The following BCLAF1 variants were observed in gnomAD, a reference collection of about 807,000 sequenced individuals.
The protein encoded by BCLAF1 is bcl-2-associated transcription factor 1.
BCLAF1 carries 10 observed loss-of-function variants against 99.5 expected under a neutral mutation model. That is an observed-to-expected ratio of 0.10 (90% CI 0.06 to 0.17). The LOEUF is 0.17. Among genes scored for constraint, BCLAF1 ranks in the 10% least tolerant of loss-of-function variants. BCLAF1 has a pLI of 1.00. For synonymous variants in BCLAF1, 255 were observed against 370.9 expected (o/e 0.69, Z 3.59); for missense variants, 636 against 1,105.8 (o/e 0.58, Z 6.02).
chr6:136,263,194 TCA>T (rs967157922), intron 11 of BCLAF1, among the ~76,000 whole-genome samples: 49 of 152,130 alleles, frequency 3.2e-4, no homozygotes, highest in African/African-American at 1.2e-3. Flanking sequence ...TTGCCCAAGG[TCA>T]CAGAGCTAGC....
At chr6:136,287,676 T>C (rs1013143203) in intron 1 of BCLAF1, among the ~76,000 whole-genome samples, 1 of 152,212 alleles carries the variant, frequency 6.6e-6, no homozygotes, top group African/African-American at 2.4e-5. Flanking sequence ...TCTCCATTTC[T>C]AAGTCTTCTC....
intron 4 of BCLAF1, 114 bp from the exon 5 acceptor site, chr6:136,276,622 T>C: frequency 7.9e-7 from 1 of 1,260,682 alleles, no homozygotes; most frequent in East Asian, 2.5e-5. Context: ...AAAATAACCC[T>C]ATTGAAAAGT....
intron 1 of BCLAF1, among the ~76,000 whole-genome samples, chr6:136,283,332 T>G (rs1438282507): frequency 6.6e-6 from 1 of 152,168 alleles, no homozygotes; most frequent in Non-Finnish European, 1.5e-5. Flanking sequence ...AACTGATTTT[T>G]AAATCCACGT....
chr6:136,279,331 T>TA (rs1290114141), intron 3 of BCLAF1, among the ~76,000 whole-genome samples: 1 of 152,152 alleles, frequency 6.6e-6, no homozygotes, highest in Non-Finnish European at 1.5e-5. Flanking sequence ...GTATTACTAT[T>TA]TTAACAAAAA....
In BCLAF1 at chr6:136,257,113, A is replaced by T. The variant is rs1384834461; in HGVS notation, c.*3997T>A. On this transcript the variant is annotated 3_prime_UTR_variant, in exon 13 of 13. Transcript: ENST00000531224. ...TATATTCTTGGGGGAAAGGCATTAA[A>T]GCCTGCTCACCCAACCTTTTTCTAT... The T allele has an allele frequency of 6.6e-6, 1 of 152,238 alleles. No homozygotes were observed. The highest frequency in any genetic ancestry group is 1.5e-5 in the Non-Finnish European group (1 of 68,042). The allele number at this position is 152,238 out of a possible 1,614,324, so 9.4% of individuals were successfully genotyped here.
chr6:136,260,499 A>G lies in BCLAF1; in HGVS notation c.*611T>C, dbSNP rs929778464. The G allele has an allele frequency of 4.6e-5, 7 of 152,192 alleles. No homozygotes were observed. Among genetic ancestry groups the G allele is most frequent in the African/African-American group, 1.7e-4 (7 of 41,452 alleles). The allele number at this position is 152,192 out of a possible 1,614,324, so 9.4% of individuals were successfully genotyped here. Reference sequence around the variant, plus strand: ...CATTTTCTCAAAACTTTTCAATCTGATTTTTAATAGCTTGTACTTTTTAGC... The same window carrying G: ...CATTTTCTCAAAACTTTTCAATCTGGTTTTTAATAGCTTGTACTTTTTAGC... On this transcript the variant is annotated 3_prime_UTR_variant, in exon 13 of 13. Coordinates refer to ENST00000531224, the MANE Select transcript of BCLAF1 (RefSeq NM_014739.3).
At chr6:136,268,649 GA>G (rs1320617019) in intron 9 of BCLAF1, 1 of 241,712 alleles carries the variant, frequency 4.1e-6, no homozygotes. Flanking sequence ...TTAATGAAAG[GA>G]AGAGAAGAGT....
At chr6:136,287,177 G>A (rs888916147) in intron 1 of BCLAF1, among the ~76,000 whole-genome samples, 1 of 151,896 alleles carries the variant, frequency 6.6e-6, no homozygotes, top group African/African-American at 2.4e-5. Flanking sequence ...ATGGTGGCGG[G>A]CCGGCGCCTG....
chr6:136,264,844 G>C (rs373055013), intron 11 of BCLAF1, among the ~76,000 whole-genome samples: 15 of 152,190 alleles, frequency 9.9e-5, no homozygotes, highest in Admixed American at 2.0e-4. Flanking sequence ...ATGTTTTATA[G>C]AGACCAAGAT....
chr6:136,267,640 A>C (rs1219503112), intron 10 of BCLAF1, among the ~76,000 whole-genome samples: 1 of 151,526 alleles, frequency 6.6e-6, no homozygotes, highest in East Asian at 1.9e-4. Context: ...ACAGGCAAGA[A>C]GATGCACTAC....
intron 2 of BCLAF1, among the ~76,000 whole-genome samples, chr6:136,281,504 AAT>A (rs1306256786): frequency 6.6e-6 from 1 of 152,170 alleles, no homozygotes; most frequent in Non-Finnish European, 1.5e-5. Context: ...AAAGAATATA[AAT>A]ACGTAATTTA....
intron 2 of BCLAF1, among the ~76,000 whole-genome samples, chr6:136,280,665 G>A (rs1784267889): frequency 6.6e-6 from 1 of 152,026 alleles, no homozygotes; most frequent in Admixed American, 6.6e-5. Flanking sequence ...GGTATCCAAT[G>A]CTATAATTAG....
chr6:136,271,917 C>A, intron 8 of BCLAF1, 78 bp downstream of exon 8: 1 of 1,047,628 alleles, frequency 9.5e-7, no homozygotes, highest in Non-Finnish European at 1.4e-6. Flanking sequence ...GACATTTTGC[C>A]TTGAGAAACT....
chr6:136,276,137 T>C lies in BCLAF1; in HGVS notation c.1388A>G (p.Glu463Gly), dbSNP rs765613005. 1 of 1,613,252 alleles carries C rather than the reference T, an allele frequency of 6.2e-7. No homozygotes were observed. Among genetic ancestry groups the C allele is most frequent in the Non-Finnish European group, 8.5e-7 (1 of 1,179,844 alleles). Residue 463 changes from glutamate (E) to glycine (G), a missense_variant, in exon 5 of 13, where the codon GAG (glutamate) becomes GGG (glycine). Around this residue, in one of 9 missense-constraint regions of BCLAF1, gnomAD observed 186 missense variants for 275.3 expected, o/e 0.68. Coordinates refer to ENST00000531224, the MANE Select transcript of BCLAF1 (RefSeq NM_014739.3). ...FREEKNYKLK[E>G]TGYVVERPST... ...AGGCCTTTCCACTACATATCCAGTC[T>C]CTTTAAGTTTATAATTTTTTTCTTC...
intron 11 of BCLAF1, among the ~76,000 whole-genome samples, chr6:136,264,017 C>G (rs958410523): frequency 1.3e-5 from 2 of 152,150 alleles, no homozygotes; most frequent in South Asian, 2.1e-4. Flanking sequence ...TGCATAAATC[C>G]TGACCCCATT....
chr6:136,275,564 T>G lies in BCLAF1; in HGVS notation c.1820A>C (p.Gln607Pro). ...ATGATGAACCAAGGACACAATGTGTTGAATAAATGACTCTGAAGTGCTTTT... is the reference window on the plus strand; with the variant it reads ...ATGATGAACCAAGGACACAATGTGTGGAATAAATGACTCTGAAGTGCTTTT... ...ASKSTSESFI[Q>P]HIVSLVHHVK... The change falls in exon 6 of 13, where the codon CAA becomes CCA. Residue 607 changes from glutamine (Q) to proline (P), a missense_variant. Around this residue, in one of 9 missense-constraint regions of BCLAF1, gnomAD observed 180 missense variants for 270.0 expected, o/e 0.67. Transcript: ENST00000531224. 6.4e-7 allele frequency: 1 copy of G among 1,574,556 alleles called. No homozygotes were observed. The highest frequency in any genetic ancestry group is 8.6e-7 in the Non-Finnish European group (1 of 1,164,570).
rs1780644746 is a variant in BCLAF1, at chr6:136,258,839, T to A, written c.*2271A>T. 1.3e-5 allele frequency: 2 copies of A among 152,498 alleles called. No homozygotes were observed. The highest frequency in any genetic ancestry group is 6.5e-5 in the Admixed American group (1 of 15,270). 9.4% of individuals were successfully genotyped at this position (152,498 alleles called of 1,614,324 possible). ...TTCCTAGGATGCTGAAAGGTACACA[T>A]ACACACCTAAAGAGTCATGGCCTTC... On this transcript the variant is annotated 3_prime_UTR_variant, in exon 13 of 13. Transcript: ENST00000531224.
chr6:136,264,724 A>G (rs535995423), intron 11 of BCLAF1, among the ~76,000 whole-genome samples: 20 of 152,332 alleles, frequency 1.3e-4, no homozygotes, highest in Admixed American at 1.1e-3. Context: ...TCAATGGCTC[A>G]TAAGTAAAAA....
intron 8 of BCLAF1, among the ~76,000 whole-genome samples, chr6:136,271,516 C>T (rs966144215): frequency 6.6e-6 from 1 of 151,828 alleles, no homozygotes; most frequent in African/African-American, 2.4e-5. Context: ...AGTCTTTGTT[C>T]CAAACGTTCA....
Sources: allele counts gnomAD v4.1 joint callset (sites outside exome capture counted in the v4.1 genomes callset), GRCh38; gene constraint gnomAD v4.1.1; regional missense constraint gnomAD v4.1.1; transcripts MANE v1.5; gene names NCBI Gene and HGNC (gene_info 2026-07-23, HGNC 2026-07-21).